Variants in RBM39 observed in about 807,000 individuals in gnomAD.
RBM39 encodes the protein RNA binding motif protein 39.
RBM39 carries 12 observed loss-of-function variants against 79.6 expected under a neutral mutation model. The observed-to-expected ratio is 0.15, with a 90% CI of 0.10 to 0.24. The LOEUF is 0.24. RBM39 is among the 10% of genes least tolerant of loss of function. RBM39 has a pLI of 1.00. For synonymous variants in RBM39, 185 were observed against 208.4 expected, an observed-to-expected ratio of 0.89 and a Z score of 0.97; for missense variants, 243 against 653.4, an observed-to-expected ratio of 0.37 and a Z score of 6.85.
chr20:35,713,200 A>G, intron 11 of RBM39, 104 bp from the exon 12 acceptor site: 1 of 972,608 alleles, frequency 1.0e-6, no homozygotes, highest in Non-Finnish European at 1.5e-6. Flanking sequence ...AATTGCAAGG[A>G]GGGCCGAGTG....
Position 35,722,010 on chromosome 20 carries a change from T to C in RBM39, c.688-133A>G. ...TACCCTACGTAAGTCAGATACTACA[T>C]ATCAACTTAATAGGAGGCATCTAGA... On this transcript the variant is annotated intron_variant, in intron 8 of 16. Transcript: ENST00000253363. 3 of 1,001,678 alleles carry C rather than the reference T, an allele frequency of 3.0e-6. No homozygotes were observed. The East Asian group carries it at 7.6e-5, about 25-fold the overall frequency. 62.0% of individuals were successfully genotyped at this position (1,001,678 alleles called of 1,614,324 possible). A position where few individuals can be genotyped will look rare whatever the true frequency, so the allele number is the denominator to read the frequency against.
intron 3 of RBM39, among the ~76,000 whole-genome samples, chr20:35,737,029 C>T (rs1391605485): frequency 1.3e-5 from 2 of 151,022 alleles, no homozygotes; most frequent in Non-Finnish European, 3.0e-5. Flanking sequence ...GAAGCCAAGG[C>T]GGGCGGATCA....
At chr20:35,733,712 A>C (rs2039621610) in intron 3 of RBM39, among the ~76,000 whole-genome samples, 1 of 152,230 alleles carries the variant, frequency 6.6e-6, no homozygotes. Context: ...CAATGAATAC[A>C]CCAGAAAATG....
At chr20:35,726,383 G>A (rs562303410) in intron 6 of RBM39, among the ~76,000 whole-genome samples, 70 of 152,140 alleles carry the variant, frequency 4.6e-4, no homozygotes, top group African/African-American at 1.5e-3. Context: ...CACCCGCCTC[G>A]GCCTCCAAAA....
intron 10 of RBM39, among the ~76,000 whole-genome samples, chr20:35,715,597 C>G (rs146813826): frequency 8.7e-4 from 132 of 152,206 alleles, no homozygotes; most frequent in Middle Eastern, 6.8e-3. Flanking sequence ...AAGAATGTGT[C>G]AAAAGGTTAT....
intron 2 of RBM39, chr20:35,739,612 TTAA>T: frequency 2.2e-6 from 1 of 455,610 alleles, no homozygotes; most frequent in East Asian, 7.1e-5. Flanking sequence ...AGAAAGTCAA[TTAA>T]TAATCCACCA....
chr20:35,731,339 G>C (rs2039344945), intron 4 of RBM39: 1 of 152,124 alleles, frequency 6.6e-6, no homozygotes, highest in Non-Finnish European at 1.5e-5. Context: ...CAAATTTCTA[G>C]TGATCTAATC....
At position 35,709,162 on chromosome 20, in the gene RBM39, G is replaced by A. The variant is rs1021183366; in HGVS notation, c.1225+62C>T. The A allele has an allele frequency of 1.2e-5, 17 of 1,420,516 alleles. No individual in the cohort carries two copies. The East Asian group carries it at 1.8e-4, about 15-fold the overall frequency. 88.0% of individuals were successfully genotyped at this position (1,420,516 alleles called of 1,614,324 possible). On this transcript the variant is annotated intron_variant, in intron 13 of 16. Transcript: ENST00000253363. ...AATATGACAATAAATATAGAAAACT[G>A]TCTTACTACATTTAATTCTATTTCA... is the stretch of plus-strand genomic sequence containing the variant.
At chr20:35,711,012 T>C (rs1476006540) in intron 12 of RBM39, among the ~76,000 whole-genome samples, 1 of 152,212 alleles carries the variant, frequency 6.6e-6, no homozygotes, top group Non-Finnish European at 1.5e-5. Flanking sequence ...AGAGGTACAT[T>C]CATCCATAAT....
At chr20:35,709,056 C>A in intron 13 of RBM39, 168 bp downstream of exon 13, 1 of 491,746 alleles carries the variant, frequency 2.0e-6, no homozygotes, top group Non-Finnish European at 3.5e-6. Context: ...TGGGTTAGGT[C>A]TTCTGAAATA....
intron 4 of RBM39, 86 bp from the exon 5 acceptor site, chr20:35,729,613 T>C (rs933889547): frequency 4.2e-6 from 5 of 1,187,090 alleles, no homozygotes; most frequent in East Asian, 2.4e-5. Flanking sequence ...AAGACTAACA[T>C]TGTTTAGGCT....
Position 35,724,609 on chromosome 20 carries a change from T to C in RBM39, c.648A>G (p.Gln216=). 2 of 1,614,158 alleles carry C rather than the reference T, an allele frequency of 1.2e-6. No individual in the cohort carries two copies. The highest frequency in any genetic ancestry group is 8.5e-7 in the Non-Finnish European group (1 of 1,180,022). Residue 216 remains glutamine (Q), a synonymous_variant, in exon 8 of 17, where the codon CAA becomes CAG. Coordinates refer to ENST00000253363, the MANE Select transcript of RBM39 (RefSeq NM_184234.3). ...CTATGATTGGCACGCCTAAAACTCGTTGGCCAGTTAATCCTATTGCTAGAG... is the reference window on the plus strand; with the variant it reads ...CTATGATTGGCACGCCTAAAACTCGCTGGCCAGTTAATCCTATTGCTAGAG... The part of the protein sequence containing the change: ...SVPLAIGLTG[Q]RVLGVPIIVQ...
In RBM39 at chr20:35,702,119, C is replaced by G. The variant is rs1205066592; in HGVS notation, c.*2362G>C. The G allele has an allele frequency of 6.6e-6, 1 of 152,194 alleles. No individual in the cohort carries two copies. The highest frequency in any genetic ancestry group is 2.4e-5 in the African/African-American group (1 of 41,436). The allele number at this position is 152,194 out of a possible 1,614,324, so 9.4% of individuals were successfully genotyped here. On this transcript the variant is annotated 3_prime_UTR_variant, in exon 17 of 17. Transcript: ENST00000253363. ...CAGTTGTCCATCTCACCTGCCCAGGCCACGCAGACCCTGGAGTTACTAACC... is the reference window on the plus strand; with the variant it reads ...CAGTTGTCCATCTCACCTGCCCAGGGCACGCAGACCCTGGAGTTACTAACC...
intron 9 of RBM39, among the ~76,000 whole-genome samples, chr20:35,718,454 C>CTATCTG (rs1216258509): frequency 6.6e-6 from 1 of 151,502 alleles, no homozygotes; most frequent in Non-Finnish European, 1.5e-5. Context: ...CATGGGCAGA[C>CTATCTG]TATCTGAGCT....
intron 9 of RBM39, among the ~76,000 whole-genome samples, chr20:35,717,064 G>GC (rs1244273141): frequency 2.0e-5 from 3 of 152,084 alleles, no homozygotes; most frequent in Non-Finnish European, 4.4e-5. Flanking sequence ...CGGATCACCT[G>GC]AGGTCAGGAG....
At chr20:35,729,268 G>C (rs78058415) in intron 6 of RBM39, 44 bp downstream of exon 6, 45,475 of 1,504,416 alleles carry the variant, frequency 0.03, 804 homozygotes, top group African/African-American at 0.058. Context: ...ACCATAAGCT[G>C]CAAAAGCTTT....
chr20:35,729,564 T>G, intron 4 of RBM39, 37 bp from the exon 5 acceptor site: 77 of 1,587,662 alleles, frequency 4.8e-5, no homozygotes, highest in Non-Finnish European at 6.0e-5. Context: ...AGTTACAGGT[T>G]TAGGGTCTTG....
Position 35,730,878 on chromosome 20 carries a change from A to C in RBM39, c.296+1063T>G, listed in dbSNP as rs546100007. On this transcript the variant is annotated intron_variant, in intron 4 of 16. Transcript: ENST00000253363. ...AAAGTTAATGAAATAAGCAGCTTGG[A>C]GGAAACCAGCATCACGGAGTTTAAT... 2.1e-4 allele frequency among the ~76,000 whole-genome samples: 32 copies of C among 152,300 alleles called. No individual in the cohort carries two copies. In the South Asian group the frequency reaches 6.4e-3, roughly 31 times the overall value.
At chr20:35,716,059 T>C (rs2037086468) in intron 10 of RBM39, among the ~76,000 whole-genome samples, 1 of 152,174 alleles carries the variant, frequency 6.6e-6, no homozygotes, top group African/African-American at 2.4e-5. Context: ...TTTATATTTA[T>C]TTATTTATAG....
Sources: allele counts gnomAD v4.1 joint callset (sites outside exome capture counted in the v4.1 genomes callset), GRCh38; gene constraint gnomAD v4.1.1; transcripts MANE v1.5; gene names NCBI Gene and HGNC (gene_info 2026-07-23, HGNC 2026-07-21).